Variants in MALRD1 observed in about 807,000 individuals in gnomAD.
The protein encoded by MALRD1 is MAM and LDL-receptor class A domain-containing protein 1.
In MALRD1, 247 loss-of-function variants were observed where a neutral mutation model predicts 242.1. The observed-to-expected ratio is 1.02, with a 90% CI of 0.92 to 1.13. The LOEUF (loss-of-function observed/expected upper bound fraction) is 1.13, where lower values mean the gene tolerates loss of function less well. MALRD1 is among the 50% of genes most tolerant of loss of function. The pLI, the probability that MALRD1 is intolerant of heterozygous loss-of-function variation, is 0.00. For missense variants in MALRD1, 2,989 were observed against 2,533.1 expected, an observed-to-expected ratio of 1.18 and a Z score of -3.86; for synonymous variants, 995 against 866.6, an observed-to-expected ratio of 1.15 and a Z score of -2.60.
chr10:19,487,164 C>A (rs1837270482), intron 29 of MALRD1, among the ~76,000 whole-genome samples: 1 of 152,038 alleles, frequency 6.6e-6, no homozygotes, highest in South Asian at 2.1e-4. Context: ...CTTTTATCAT[C>A]AAATATAGAA....
At chr10:19,266,038 T>C (rs1388796307) in intron 19 of MALRD1, among the ~76,000 whole-genome samples, 1 of 152,116 alleles carries the variant, frequency 6.6e-6, no homozygotes, top group African/African-American at 2.4e-5. Context: ...TCCTGTGCTC[T>C]TTTCTGGTTT....
intron 1 of MALRD1, among the ~76,000 whole-genome samples, chr10:19,062,003 A>T (rs964339548): frequency 1.4e-4 from 22 of 152,218 alleles, no homozygotes; most frequent in African/African-American, 5.3e-4. Context: ...GAGTAGTAGA[A>T]AATATTTGCA....
intron 34 of MALRD1, among the ~76,000 whole-genome samples, chr10:19,602,154 C>CTTTTTTTTTTTT (rs35031620): frequency 1.9e-5 from 2 of 104,930 alleles, no homozygotes; most frequent in Admixed American, 1.0e-4. Context: ...TGCCAATTTT[C>CTTTTTTTTTTTT]TTTTTTTTTT....
At chr10:19,652,230 AG>A (rs778797679) in intron 36 of MALRD1, among the ~76,000 whole-genome samples, 11 of 152,308 alleles carry the variant, frequency 7.2e-5, no homozygotes, top group Admixed American at 2.6e-4. Flanking sequence ...TTATCATACA[AG>A]GTTGGTTTGT....
intron 29 of MALRD1, 140 bp downstream of exon 29, chr10:19,450,630 T>A: frequency 1.3e-6 from 1 of 799,652 alleles, no homozygotes; most frequent in South Asian, 2.2e-5. Context: ...AATTTTATAA[T>A]TGTGAACTTA....
intron 14 of MALRD1, among the ~76,000 whole-genome samples, chr10:19,200,769 C>T (rs1356895932): frequency 6.6e-6 from 1 of 150,934 alleles, no homozygotes. Flanking sequence ...TCCCCTGACG[C>T]CTTTTCTCCA....
intron 18 of MALRD1, among the ~76,000 whole-genome samples, chr10:19,233,394 C>G (rs572693343): frequency 6.6e-6 from 1 of 151,958 alleles, no homozygotes; most frequent in Admixed American, 6.6e-5. Flanking sequence ...CCCAGCTACT[C>G]GGGAGGCTGA....
intron 12 of MALRD1, among the ~76,000 whole-genome samples, chr10:19,163,136 C>CAAAAAAAAAAAA (rs1564433382): frequency 2.7e-5 from 1 of 36,916 alleles, no homozygotes; most frequent in Non-Finnish European, 4.7e-5. Context: ...GAAACCCTGT[C>CAAAAAAAAAAAA]TAAAAAAAAA....
intron 24 of MALRD1, among the ~76,000 whole-genome samples, chr10:19,333,497 G>T (rs186510280): frequency 6.6e-6 from 1 of 152,164 alleles, no homozygotes; most frequent in Non-Finnish European, 1.5e-5. Flanking sequence ...TTATGACTGT[G>T]TATTATTCCG....
intron 28 of MALRD1, among the ~76,000 whole-genome samples, chr10:19,428,736 G>A (rs1401959505): frequency 1.3e-5 from 2 of 151,978 alleles, no homozygotes; most frequent in Non-Finnish European, 2.9e-5. Context: ...TAAACCGCAA[G>A]CATACTGAAA....
At chr10:19,428,033 A>G (rs532711415) in intron 28 of MALRD1, among the ~76,000 whole-genome samples, 3 of 152,044 alleles carry the variant, frequency 2.0e-5, no homozygotes, top group Non-Finnish European at 2.9e-5. Context: ...TGCCTTTCTT[A>G]CCTGTCCAGA....
chr10:19,288,480 C>G (rs1330776926), intron 21 of MALRD1, among the ~76,000 whole-genome samples: 1 of 152,002 alleles, frequency 6.6e-6, no homozygotes, highest in Non-Finnish European at 1.5e-5. Context: ...CCTTCTCTGG[C>G]TTCTTTTTCA....
At chr10:19,560,031 CTGT>C (rs1399005731) in intron 32 of MALRD1, among the ~76,000 whole-genome samples, 1 of 152,210 alleles carries the variant, frequency 6.6e-6, no homozygotes, top group African/African-American at 2.4e-5. Flanking sequence ...TGCTTTCACA[CTGT>C]TGTTAGGAGT....
At chr10:19,400,455 G>A (rs1015590670) in intron 28 of MALRD1, among the ~76,000 whole-genome samples, 3 of 152,070 alleles carry the variant, frequency 2.0e-5, no homozygotes, top group Non-Finnish European at 4.4e-5. Context: ...CAGCGACAAG[G>A]GAGGCTTCAT....
chr10:19,454,726 A>G (rs980425762), intron 29 of MALRD1, among the ~76,000 whole-genome samples: 2 of 149,938 alleles, frequency 1.3e-5, no homozygotes, highest in East Asian at 2.0e-4. Context: ...ACACACACAC[A>G]CACACACACA....
At chr10:19,726,460 T>G (rs1835030271) in intron 38 of MALRD1, among the ~76,000 whole-genome samples, 1 of 152,152 alleles carries the variant, frequency 6.6e-6, no homozygotes, top group African/African-American at 2.4e-5. Flanking sequence ...CAAGTGTTGA[T>G]GAGGATGAGG....
At chr10:19,434,880 C>A (rs79401303) in intron 28 of MALRD1, among the ~76,000 whole-genome samples, 1 of 151,360 alleles carries the variant, frequency 6.6e-6, no homozygotes, top group Non-Finnish European at 1.5e-5. Context: ...CATGGTCTGC[C>A]TTAAACATAG....
chr10:19,677,045 T>C (rs913305503), intron 36 of MALRD1, among the ~76,000 whole-genome samples: 1 of 151,556 alleles, frequency 6.6e-6, no homozygotes, highest in Admixed American at 6.6e-5. Context: ...ATGTACCACA[T>C]TTTTTTTTCT....
At chr10:19,609,689 A>G (rs193186689) in intron 35 of MALRD1, among the ~76,000 whole-genome samples, 55 of 152,204 alleles carry the variant, frequency 3.6e-4, no homozygotes, top group African/African-American at 1.3e-3. Context: ...CCTAACTTAT[A>G]TTATGCAAGT....
Sources: allele counts gnomAD v4.1 joint callset (sites outside exome capture counted in the v4.1 genomes callset), GRCh38; gene constraint gnomAD v4.1.1; transcripts MANE v1.5; gene names NCBI Gene and HGNC (gene_info 2026-07-23, HGNC 2026-07-21).